OSGEPL1: variants seen among roughly 807,000 people sequenced by gnomAD.
OSGEPL1 encodes the protein tRNA N6-adenosine threonylcarbamoyltransferase, mitochondrial.
OSGEPL1 carries 26 observed loss-of-function variants against 37.2 expected under a neutral mutation model. That is an observed-to-expected ratio of 0.70 (90% CI 0.51 to 0.97). OSGEPL1 has a LOEUF of 0.97. Ranked by LOEUF, OSGEPL1 falls within the 50% of genes least tolerant of loss-of-function variation. OSGEPL1 has a pLI of 0.00. For missense variants in OSGEPL1, 404 were observed against 487.0 expected, an observed-to-expected ratio of 0.83 and a Z score of 1.60; for synonymous variants, 140 against 159.9, an observed-to-expected ratio of 0.88 and a Z score of 0.94.
chr2:189,752,051 T>A (rs1265129095), intron 7 of OSGEPL1, among the ~76,000 whole-genome samples: 1 of 151,342 alleles, frequency 6.6e-6, no homozygotes, highest in Non-Finnish European at 1.5e-5. Context: ...GGCTGAGGCA[T>A]GACAATCACT....
At position 189,757,615 on chromosome 2, in the gene OSGEPL1, T is replaced by G. The variant is rs913580178; in HGVS notation, c.222-2055A>C. Reference sequence around the variant, plus strand: ...GAGGCACAAAAAACTGTGCACAGTATCAAATGTAGTAAATGGTTGAACCAG... The same window carrying G: ...GAGGCACAAAAAACTGTGCACAGTAGCAAATGTAGTAAATGGTTGAACCAG... On this transcript the variant is annotated intron_variant, in intron 2 of 8. Transcript: ENST00000264151. 4.6e-5 allele frequency among the ~76,000 whole-genome samples: 7 copies of G among 152,316 alleles called. No homozygotes were observed. The East Asian group carries it at 1.2e-3, about 25-fold the overall frequency.
chr2:189,762,628 C>T, intron 1 of OSGEPL1, 57 bp downstream of exon 1: 1 of 985,404 alleles, frequency 1.0e-6, no homozygotes, highest in African/African-American at 1.7e-5. Context: ...AAACTGGAAC[C>T]GCTTTTCCAG....
chr2:189,754,117 C>T lies in OSGEPL1; in HGVS notation c.814+24G>A, dbSNP rs374805927. The stretch of plus-strand genomic sequence containing the variant: ...CACAATCCAGGAATATTTATCTGTT[C>T]AACTTTACTAATTAGAAATATACCT... On this transcript the variant is annotated intron_variant, in intron 4 of 8. Transcript: ENST00000264151. 6 of 1,611,620 alleles carry T rather than the reference C, an allele frequency of 3.7e-6. No individual in the cohort carries two copies. The African/African-American group carries it at 6.7e-5, about 18-fold the overall frequency.
intron 2 of OSGEPL1, among the ~76,000 whole-genome samples, chr2:189,760,049 A>G (rs2046762582): frequency 6.6e-6 from 1 of 152,216 alleles, no homozygotes; most frequent in African/African-American, 2.4e-5. Context: ...GACACAGCAC[A>G]TGTTTCAGAG....
At chr2:189,753,227 TTAATA>T (rs1252533749) in intron 5 of OSGEPL1, 3 of 244,276 alleles carry the variant, frequency 1.2e-5, no homozygotes, top group Non-Finnish European at 2.3e-5. Context: ...AAATATTTAT[TTAATA>T]TAATTTCAAT....
rs190078016 is a variant in OSGEPL1, at chr2:189,752,851, T to G, written c.1092A>C (p.Ala364=). 1,187 of 1,613,708 alleles carry G rather than the reference T, an allele frequency of 7.4e-4. 2 individuals are homozygous for G. Among genetic ancestry groups the G allele is most frequent in the Admixed American group, 1.1e-3 (63 of 59,994 alleles). The change falls in exon 6 of 9, where the codon GCA becomes GCC. Residue 364 remains alanine (A), a splice_region_variant and synonymous_variant. Transcript: ENST00000264151. The part of the protein sequence containing the change: ...RLCTDNGIMI[A]WNGIERLRAG... ...AGCACGTATATCCTGTGGCTTACCA[T>G]GCAATCATAATGCCATTATCAGTGC...
intron 3 of OSGEPL1, 46 bp downstream of exon 3, chr2:189,755,127 A>G (rs747536646): frequency 8.2e-6 from 13 of 1,577,152 alleles, no homozygotes; most frequent in Admixed American, 2.1e-5. Context: ...CTTAGTTGAA[A>G]TGGACAACAT....
chr2:189,761,771 G>C, intron 1 of OSGEPL1, 111 bp from the exon 2 acceptor site: 1 of 1,105,226 alleles, frequency 9.0e-7, no homozygotes, highest in South Asian at 2.0e-5. Context: ...GTCACCAAAA[G>C]TTTGTAAAGG....
Position 189,761,573 on chromosome 2 carries a change from A to AAATTTTTTTTAAAGG in OSGEPL1, c.67_68insCCTTTAAAAAAAATT (p.Phe22_Leu23insSerPheLysLysAsn). The AAATTTTTTTTAAAGG allele has an allele frequency of 6.2e-7, 1 of 1,610,708 alleles. No homozygotes were observed. The highest frequency in any genetic ancestry group is 1.7e-5 in the Admixed American group (1 of 59,628). ...TCCAGGATGAAAATTAAAACTTCTT[A>AAATTTTTTTTAAAGG]AAAATTCATAAACTTTCCTTTTTGA... On this transcript the variant is annotated inframe_insertion, in exon 2 of 9. Transcript: ENST00000264151.
chr2:189,748,586 G>A (rs2044548808), intron 8 of OSGEPL1, among the ~76,000 whole-genome samples: 1 of 152,186 alleles, frequency 6.6e-6, no homozygotes, highest in Non-Finnish European at 1.5e-5. Context: ...TCTTAATGGT[G>A]CTGAGTCACA....
intron 1 of OSGEPL1, among the ~76,000 whole-genome samples, chr2:189,762,207 T>C (rs2047181663): frequency 6.6e-6 from 1 of 152,216 alleles, no homozygotes; most frequent in African/African-American, 2.4e-5. Context: ...AATCTCCACT[T>C]TTTGCTACAG....
At chr2:189,750,069 G>A (rs2044905449) in intron 8 of OSGEPL1, among the ~76,000 whole-genome samples, 1 of 152,198 alleles carries the variant, frequency 6.6e-6, no homozygotes, top group Non-Finnish European at 1.5e-5. Context: ...GTTGCATGCA[G>A]TAAGCTGAGA....
In OSGEPL1 at chr2:189,761,508, T is replaced by C. The variant is rs757930168; in HGVS notation, c.133A>G (p.Ser45Gly). 6.2e-7 allele frequency: 1 copy of C among 1,613,218 alleles called. No homozygotes were observed. The highest frequency in any genetic ancestry group is 8.5e-7 in the Non-Finnish European group (1 of 1,179,572). ...ACAGCAGCTGCTGTATCATCACAAC[T>C]AGTTTCAATTCCCAATACTATTTTA... is the stretch of plus-strand genomic sequence containing the variant. ...LHKIVLGIET[S>G]CDDTAAAVVD... Residue 45 changes from serine (S) to glycine (G), a missense_variant, in exon 2 of 9, where the codon AGT becomes GGT. Transcript: ENST00000264151.
intron 2 of OSGEPL1, among the ~76,000 whole-genome samples, chr2:189,758,054 C>T (rs1475081524): frequency 6.6e-6 from 1 of 151,986 alleles, no homozygotes; most frequent in Non-Finnish European, 1.5e-5. Flanking sequence ...GGTACTGTGT[C>T]GCGATAGTCA....
rs1330511783 is a variant in OSGEPL1, at chr2:189,753,913, T to TA, written c.963+2dup. Reference sequence around the variant, plus strand: ...TATTACTATAAAATGAGATAAAACTTACCAGTACTGCATTATTTTGAGGTA... The same window carrying TA: ...TATTACTATAAAATGAGATAAAACTTAACCAGTACTGCATTATTTTGAGGTA... On this transcript the variant is annotated splice_region_variant and intron_variant, in intron 5 of 8. Transcript: ENST00000264151. The TA allele has an allele frequency of 2.5e-6, 4 of 1,612,648 alleles. No individual in the cohort carries two copies. The highest frequency in any genetic ancestry group is 1.7e-5 in the Admixed American group (1 of 59,878).
chr2:189,755,856 A>G (rs530025918), intron 2 of OSGEPL1, among the ~76,000 whole-genome samples: 2 of 152,210 alleles, frequency 1.3e-5, no homozygotes, highest in South Asian at 2.1e-4. Flanking sequence ...AGTTTTGAGC[A>G]TGGGAAGGAC....
chr2:189,758,985 G>A (rs747670349), intron 2 of OSGEPL1, among the ~76,000 whole-genome samples: 2 of 152,110 alleles, frequency 1.3e-5, no homozygotes, highest in African/African-American at 4.8e-5. Context: ...GCTGAGGCAC[G>A]GTAATAATAG....
intron 2 of OSGEPL1, among the ~76,000 whole-genome samples, chr2:189,756,226 C>G (rs892303698): frequency 2.0e-5 from 3 of 152,150 alleles, no homozygotes. Flanking sequence ...GTTTGGGAAT[C>G]TGGTGCTCAG....
Position 189,752,911 on chromosome 2 carries a change from T to G in OSGEPL1, c.1032A>C (p.Thr344=), listed in dbSNP as rs1310327021. The G allele has an allele frequency of 1.2e-6, 2 of 1,613,646 alleles. No homozygotes were observed. The highest frequency in any genetic ancestry group is 4.5e-5 in the East Asian group (2 of 44,878). Residue 344 remains threonine, a synonymous_variant, in exon 6 of 9, where the codon ACA becomes ACC. Transcript: ENST00000264151. ...GAGGAGGACACAACAAAGTGCACTGTGTTGCATTTGTTAAAATTTCCAGAG... is the reference window on the plus strand; with the variant it reads ...GAGGAGGACACAACAAAGTGCACTGGGTTGCATTTGTTAAAATTTCCAGAG... The part of the protein sequence containing the change: ...RRALEILTNA[T]QCTLLCPPPR...
Sources: allele counts gnomAD v4.1 joint callset (sites outside exome capture counted in the v4.1 genomes callset), GRCh38; gene constraint gnomAD v4.1.1; transcripts MANE v1.5; gene names NCBI Gene and HGNC (gene_info 2026-07-23, HGNC 2026-07-21).